Variants in KIF19 observed in about 807,000 individuals in gnomAD.
KIF19 encodes the protein kinesin-like protein KIF19.
A neutral mutation model predicts 106.6 loss-of-function variants in KIF19; 98 were observed. The observed-to-expected ratio is 0.92, with a 90% CI of 0.78 to 1.09. The LOEUF is 1.09. Among genes scored for constraint, KIF19 ranks in the 50% least tolerant of loss-of-function variants. The pLI is 0.00. For synonymous variants in KIF19, 516 were observed against 584.2 expected (o/e 0.88, Z 1.68); for missense variants, 1,373 against 1,414.3 (o/e 0.97, Z 0.47).
Position 74,347,843 on chromosome 17 carries a change from G to A in KIF19, c.991G>A (p.Glu331Lys), listed in dbSNP as rs199585407. The A allele has an allele frequency of 1.0e-5, 16 of 1,586,488 alleles. No homozygotes were observed. Among genetic ancestry groups the A allele is most frequent in the East Asian group, 6.9e-5 (3 of 43,350 alleles). The change falls in exon 9 of 20, where the codon GAG becomes AAG. Residue 331 changes from glutamate to lysine, a missense_variant. Transcript: ENST00000389916. ...AHISPASSAF[E>K]ESRNTLTYAG... Reference sequence around the variant, plus strand: ...CATCAGTCCTGCGAGCAGTGCCTTCGAGGAGTCCCGGAACACCCTGACCTA... The same window carrying A: ...CATCAGTCCTGCGAGCAGTGCCTTCAAGGAGTCCCGGAACACCCTGACCTA...
intron 5 of KIF19, among the ~76,000 whole-genome samples, chr17:74,343,955 C>T (rs561205943): frequency 6.6e-6 from 1 of 152,172 alleles, no homozygotes; most frequent in Non-Finnish European, 1.5e-5. Flanking sequence ...GGTGCCCAGC[C>T]TGTCTGGAAA....
At position 74,352,875 on chromosome 17, in the gene KIF19, G is replaced by T. The variant is rs528359606; in HGVS notation, c.2035G>T (p.Asp679Tyr). ...PAGTSLTPDSDLESVKTLSSD... is the reference protein window; with the variant it reads ...PAGTSLTPDSYLESVKTLSSD... ...AGGAACCTCACTGACCCCAGATTCT[G>T]ACCTGGAGAGTGTGAAGACATTGAG... The change falls in exon 15 of 20, where the codon GAC (aspartate) becomes TAC (tyrosine). Residue 679 changes from aspartate to tyrosine, a missense_variant. Physicochemically the swap from Asp to Tyr is radical, Grantham distance 160. Coordinates refer to ENST00000389916, the MANE Select transcript of KIF19 (RefSeq NM_153209.4). The T allele has an allele frequency of 1.9e-6, 3 of 1,613,940 alleles. No individual in the cohort carries two copies. The highest frequency in any genetic ancestry group is 1.1e-5 in the South Asian group (1 of 91,084).
At chr17:74,350,669 G>A in intron 11 of KIF19, 38 bp from the exon 12 acceptor site, 1 of 1,612,308 alleles carries the variant, frequency 6.2e-7, no homozygotes, top group South Asian at 1.1e-5. Flanking sequence ...TGCCCCCATG[G>A]CCTGAATGCC....
chr17:74,333,203 T>C (rs2054138679), intron 2 of KIF19, among the ~76,000 whole-genome samples: 1 of 151,904 alleles, frequency 6.6e-6, no homozygotes, highest in South Asian at 2.1e-4. Context: ...GGAGAGTGGC[T>C]AGGGGAGGGG....
At chr17:74,329,326 T>G (rs767949427) in intron 2 of KIF19, 1 of 151,914 alleles carries the variant, frequency 6.6e-6, no homozygotes, top group African/African-American at 2.4e-5. Context: ...CACGTGCCTG[T>G]AGTCGCAGCT....
Position 74,331,993 on chromosome 17 carries a change from G to A in KIF19, c.120+3488G>A, listed in dbSNP as rs140459111. Among the ~76,000 whole-genome samples, 1,306 of 152,236 alleles carry A rather than the reference G, an allele frequency of 8.6e-3. 4 individuals are homozygous for A. The highest frequency in any genetic ancestry group is 0.014 in the Non-Finnish European group (947 of 68,008). ...CTTTAGAGGGTCCCTGTGGCTAACG[G>A]AGGCACAGTGCATAACACAGTGCCT... On this transcript the variant is annotated intron_variant, in intron 2 of 19. Transcript: ENST00000389916. This position sits in a 1 kb window ranked among gnomAD's most constrained non-coding sequence, Gnocchi z 4.1.
At chr17:74,344,492 G>A in intron 6 of KIF19, 144 bp downstream of exon 6, 1 of 1,305,490 alleles carries the variant, frequency 7.7e-7, no homozygotes, top group Non-Finnish European at 1.0e-6. Flanking sequence ...GCAGCAAGGA[G>A]GGGACTCACA....
intron 2 of KIF19, chr17:74,328,742 A>C (rs1472238969): frequency 2.2e-6 from 1 of 446,400 alleles, no homozygotes; most frequent in African/African-American, 2.0e-5. Context: ...GTGGGCCCTG[A>C]TCCTTTACCT....
intron 2 of KIF19, among the ~76,000 whole-genome samples, chr17:74,334,513 G>A (rs980245769): frequency 3.9e-5 from 6 of 152,134 alleles, no homozygotes; most frequent in Non-Finnish European, 7.3e-5. Context: ...TAGCCAGGCA[G>A]GAATCTGACC....
intron 2 of KIF19, chr17:74,329,131 G>C (rs879524615): frequency 1.3e-5 from 2 of 152,302 alleles, no homozygotes; most frequent in Non-Finnish European, 2.9e-5. Context: ...AGTGGCATGA[G>C]AGTAGGTAAG....
In KIF19 at chr17:74,340,729, C is replaced by A. The variant is rs903361242; in HGVS notation, c.121-1147C>A. On this transcript the variant is annotated intron_variant, in intron 2 of 19. Transcript: ENST00000389916. ...GCTGCAAAGGGCCACTGGAGCAGTT[C>A]CCTCACAGCCCTCTCAGCTGCGAGT... Among the ~76,000 whole-genome samples the A allele has an allele frequency of 2.6e-5, 4 of 152,248 alleles. No homozygotes were observed. In the East Asian group the frequency reaches 7.7e-4, roughly 29 times the overall value.
rs1191029175 is a variant in KIF19, at chr17:74,352,855, C to A, written c.2015C>A (p.Thr672Asn). 1 of 1,613,882 alleles carries A rather than the reference C, an allele frequency of 6.2e-7. No individual in the cohort carries two copies. Among genetic ancestry groups the A allele is most frequent in the African/African-American group, 1.3e-5 (1 of 74,930 alleles). The change falls in exon 15 of 20, where the codon ACC becomes AAC. Residue 672 changes from threonine (T) to asparagine (N), a missense_variant. By Grantham distance (65) the Thr-to-Asn change is moderately conservative. Around this residue, in one of 3 missense-constraint regions of KIF19, gnomAD observed 1,020 missense variants for 1,008.2 expected, o/e 1.01. Transcript: ENST00000389916. Reference sequence around the variant, plus strand: ...TTGCCCAAAATTACCCCAGCAGGAACCTCACTGACCCCAGATTCTGACCTG... The same window carrying A: ...TTGCCCAAAATTACCCCAGCAGGAAACTCACTGACCCCAGATTCTGACCTG... Reference protein sequence around the residue: ...SSLPKITPAGTSLTPDSDLES... With the variant: ...SSLPKITPAGNSLTPDSDLES...
chr17:74,354,571 C>A lies in KIF19; in HGVS notation c.2706+12C>A, dbSNP rs374049060. 1.0e-5 allele frequency: 16 copies of A among 1,582,532 alleles called. No individual in the cohort carries two copies. The highest frequency in any genetic ancestry group is 1.4e-5 in the Non-Finnish European group (16 of 1,166,408). On this transcript the variant is annotated intron_variant, in intron 18 of 19. Transcript: ENST00000389916. The stretch of plus-strand genomic sequence containing the variant: ...TCACCGGGCAAGGGGTGAGGCGAGG[C>A]GCAGGGGTGGGTGTCTAGGCACTCC...
chr17:74,343,944 C>A (rs373579269), intron 5 of KIF19, among the ~76,000 whole-genome samples: 1 of 152,270 alleles, frequency 6.6e-6, no homozygotes, highest in African/African-American at 2.4e-5. Flanking sequence ...GGACCCTGCC[C>A]GGTGCCCAGC....
chr17:74,339,160 G>A (rs940323605), intron 2 of KIF19, among the ~76,000 whole-genome samples: 2 of 151,840 alleles, frequency 1.3e-5, no homozygotes, highest in African/African-American at 4.8e-5. Context: ...ACTACTGAGG[G>A]ACAGGGCAGG....
chr17:74,340,219 T>G (rs1458254609), intron 2 of KIF19, among the ~76,000 whole-genome samples: 1 of 152,138 alleles, frequency 6.6e-6, no homozygotes, highest in Non-Finnish European at 1.5e-5. Context: ...TTGCTGCCCC[T>G]GCTCCTCTCA....
intron 4 of KIF19, 134 bp downstream of exon 4, chr17:74,342,851 G>T: frequency 8.6e-7 from 1 of 1,166,208 alleles, no homozygotes. Flanking sequence ...GGGCCCTCCA[G>T]CCCCAGAGGC....
Position 74,355,185 on chromosome 17 carries a change from C to A in KIF19, c.2870C>A (p.Pro957Gln). 1 of 1,598,246 alleles carries A rather than the reference C, an allele frequency of 6.3e-7. No homozygotes were observed. Among genetic ancestry groups the A allele is most frequent in the Admixed American group, 1.7e-5 (1 of 58,414 alleles). ...VKLPPSQNTG[P>Q]GDSSPLAVPP... ...CCTGCCCCTTTCCCTGTTGCAGGCC[C>A]GGGGGACTCCTCACCCCTGGCTGTT... The change falls in exon 20 of 20, where the codon CCG becomes CAG. Residue 957 changes from proline to glutamine, a missense_variant. Physicochemically the swap from Pro to Gln is moderately conservative, Grantham distance 76. Coordinates refer to ENST00000389916, the MANE Select transcript of KIF19 (RefSeq NM_153209.4).
At chr17:74,349,901 C>T (rs867574163) in intron 10 of KIF19, among the ~76,000 whole-genome samples, 33 of 151,868 alleles carry the variant, frequency 2.2e-4, no homozygotes, top group African/African-American at 4.8e-4. Flanking sequence ...CGGGTTCAAG[C>T]GATTCTTCTG....
Sources: gnomAD v4.1 joint callset for allele counts (sites outside exome capture counted in the v4.1 genomes callset) on GRCh38, gnomAD v4.1.1 for gene constraint, gnomAD v4.1.1 regional missense constraint, Gnocchi (gnomAD v3.1) non-coding constraint, MANE v1.5 for transcripts, NCBI Gene and HGNC (gene_info 2026-07-23, HGNC 2026-07-21) for gene names.